The following DGKI variants were observed in gnomAD, a reference collection of about 807,000 sequenced individuals.
DGKI encodes the protein DAG kinase iota.
In DGKI, 55 loss-of-function variants were observed where a neutral mutation model predicts 147.5. That is an observed-to-expected ratio of 0.37 (90% CI 0.30 to 0.47). The LOEUF (loss-of-function observed/expected upper bound fraction) is 0.47, where lower values mean the gene tolerates loss of function less well. Among genes scored for constraint, DGKI ranks in the 20% least tolerant of loss-of-function variants. The probability of loss-of-function intolerance (pLI) is 1.00; values close to 1 mark genes in which losing one functional copy is unlikely to be tolerated. For synonymous variants in DGKI, 469 were observed against 477.1 expected (o/e 0.98, Z 0.22); for missense variants, 1,007 against 1,323.8 (o/e 0.76, Z 3.71).
intron 1 of DGKI, among the ~76,000 whole-genome samples, chr7:137,706,943 T>C (rs1433278926): frequency 6.6e-6 from 1 of 152,202 alleles, no homozygotes; most frequent in Non-Finnish European, 1.5e-5. Flanking sequence ...GAGGGAACTA[T>C]TTCAATAGTT....
intron 9 of DGKI, 61 bp downstream of exon 9, chr7:137,609,474 G>A: frequency 7.6e-7 from 1 of 1,322,890 alleles, no homozygotes; most frequent in Non-Finnish European, 1.1e-6. Context: ...GATCTCATAG[G>A]ACAGAGTAGA....
intron 1 of DGKI, among the ~76,000 whole-genome samples, chr7:137,792,504 T>C (rs1384972708): frequency 6.6e-6 from 1 of 152,250 alleles, no homozygotes; most frequent in Non-Finnish European, 1.5e-5. Context: ...GGAGGTTCTT[T>C]CTTCCAGTTA....
intron 6 of DGKI, among the ~76,000 whole-genome samples, chr7:137,638,060 C>T (rs896784692): frequency 5.3e-5 from 8 of 152,072 alleles, no homozygotes; most frequent in South Asian, 4.1e-4. Context: ...AAGAGACAAA[C>T]GGTAAATGAG....
At chr7:137,570,617 C>G (rs1443800110) in intron 19 of DGKI, among the ~76,000 whole-genome samples, 1 of 146,236 alleles carries the variant, frequency 6.8e-6, no homozygotes, top group Admixed American at 6.9e-5. Context: ...TTTTGAGATG[C>G]AGTTTCACTC....
intron 6 of DGKI, among the ~76,000 whole-genome samples, chr7:137,629,576 C>T (rs1821058569): frequency 6.6e-6 from 1 of 152,178 alleles, no homozygotes; most frequent in Admixed American, 6.5e-5. Context: ...CAGGTACAGA[C>T]CCACACCAAC....
rs149183562 is a variant in DGKI at position 137,577,700 on chromosome 7, C to T, written c.1699-416G>A. On this transcript the variant is annotated intron_variant, in intron 16 of 32. Transcript: ENST00000614521. The stretch of plus-strand genomic sequence containing the variant: ...AGCTCCCAAACGCCTTTTATTTAAA[C>T]TCCTCCTATCGATTGGCATAAATTT... Among the ~76,000 whole-genome samples the T allele has an allele frequency of 9.4e-3, 1,434 of 152,290 alleles. 15 individuals carry two copies. Among genetic ancestry groups the T allele is most frequent in the Non-Finnish European group, 0.015 (1,015 of 68,008 alleles).
At chr7:137,525,424 T>A (rs1435616455) in intron 20 of DGKI, among the ~76,000 whole-genome samples, 1 of 152,170 alleles carries the variant, frequency 6.6e-6, no homozygotes, top group Non-Finnish European at 1.5e-5. Flanking sequence ...TTCTAGGGCA[T>A]TAGACCCCAG....
chr7:137,569,838 T>C (rs1208027511), intron 19 of DGKI, among the ~76,000 whole-genome samples: 2 of 148,804 alleles, frequency 1.3e-5, no homozygotes, highest in African/African-American at 5.0e-5. Flanking sequence ...TATCTTCATT[T>C]GCAATAAACA....
intron 1 of DGKI, among the ~76,000 whole-genome samples, chr7:137,751,855 C>T (rs535201914): frequency 6.6e-6 from 1 of 152,182 alleles, no homozygotes; most frequent in Non-Finnish European, 1.5e-5. Flanking sequence ...TTTTCTAACC[C>T]TTGCAATCAA....
At chr7:137,414,362 C>T (rs1812279555) in intron 28 of DGKI, among the ~76,000 whole-genome samples, 1 of 152,088 alleles carries the variant, frequency 6.6e-6, no homozygotes, top group African/African-American at 2.4e-5. Flanking sequence ...AAGTGCCTCG[C>T]CATAACAAGC....
intron 2 of DGKI, among the ~76,000 whole-genome samples, chr7:137,686,194 T>C (rs1294232898): frequency 2.0e-5 from 3 of 152,162 alleles, no homozygotes; most frequent in Non-Finnish European, 2.9e-5. Context: ...AGAGGTGTTG[T>C]GAGGATACAA....
chr7:137,525,891 G>A (rs10262297), intron 20 of DGKI, among the ~76,000 whole-genome samples: 3,927 of 151,996 alleles, frequency 0.026, 77 homozygotes, highest in South Asian at 0.072. Context: ...GGCTACCTCT[G>A]GGGGGAGATT....
At chr7:137,640,957 T>C (rs115194859) in intron 6 of DGKI, among the ~76,000 whole-genome samples, 10 of 152,206 alleles carry the variant, frequency 6.6e-5, no homozygotes, top group Non-Finnish European at 1.0e-4. Flanking sequence ...GGAACTGATA[T>C]GGTTTGGCTG....
Position 137,395,610 on chromosome 7 carries a change from C to G in DGKI, c.3045G>C (p.Lys1015Asn), listed in dbSNP as rs1451202241. 1 of 1,614,002 alleles carries G rather than the reference C, an allele frequency of 6.2e-7. No homozygotes were observed. The highest frequency in any genetic ancestry group is 8.5e-7 in the Non-Finnish European group (1 of 1,179,948). Reference protein sequence around the residue: ...LLVDAGASLRKTDSKGKTPQE... With the variant: ...LLVDAGASLRNTDSKGKTPQE... ...CTCATCGAGTTACCTTGGAGTCCGT[C>G]TTTCTCAGAGATGCTCCTGCATCCA... Residue 1015 changes from lysine (K) to asparagine (N), a missense_variant, in exon 32 of 33, where the codon AAG (lysine) becomes AAC (asparagine). Coordinates refer to ENST00000614521, the MANE Select transcript of DGKI (RefSeq NM_001321708.2).
intron 21 of DGKI, among the ~76,000 whole-genome samples, chr7:137,496,138 A>G (rs1815956803): frequency 6.6e-6 from 1 of 152,132 alleles, no homozygotes; most frequent in African/African-American, 2.4e-5. Context: ...ATGTACAAAA[A>G]ATCAGTAGCA....
chr7:137,624,904 C>T (rs1310956090), intron 6 of DGKI, among the ~76,000 whole-genome samples: 1 of 152,124 alleles, frequency 6.6e-6, no homozygotes, highest in East Asian at 1.9e-4. Context: ...TCTCGCCCGG[C>T]CTTCTCTCCT....
chr7:137,397,494 T>A, intron 30 of DGKI, 81 bp from the exon 31 acceptor site: 1 of 1,432,216 alleles, frequency 7.0e-7, no homozygotes, highest in Non-Finnish European at 9.7e-7. Flanking sequence ...GTCACAGAAT[T>A]AAAATGCCTT....
intron 19 of DGKI, among the ~76,000 whole-genome samples, chr7:137,554,263 A>G (rs978211519): frequency 3.9e-5 from 6 of 152,178 alleles, no homozygotes; most frequent in Admixed American, 3.9e-4. Context: ...CTTATTAGAA[A>G]TACATACTTT....
At chr7:137,689,825 G>A (rs1823542749) in intron 2 of DGKI, 69 bp downstream of exon 2, 1 of 1,111,228 alleles carries the variant, frequency 9.0e-7, no homozygotes, top group South Asian at 1.8e-5. Flanking sequence ...TGTAACTAGA[G>A]GAATCCTGAG....
Sources: gnomAD v4.1 joint callset for allele counts (sites outside exome capture counted in the v4.1 genomes callset) on GRCh38, gnomAD v4.1.1 for gene constraint, MANE v1.5 for transcripts, NCBI Gene and HGNC (gene_info 2026-07-23, HGNC 2026-07-21) for gene names.